SASH1: variants seen among roughly 807,000 people sequenced by gnomAD.
SASH1 encodes SAM and SH3 domain-containing protein 1.
A neutral mutation model predicts 125.2 loss-of-function variants in SASH1; 44 were observed. The ratio of observed to expected loss-of-function variants is 0.35; its 90% CI spans 0.28 to 0.45. The LOEUF is 0.45. SASH1 is among the 20% of genes least tolerant of loss of function. The pLI, the probability that SASH1 is intolerant of heterozygous loss-of-function variation, is 1.00. For missense variants in SASH1, 1,426 were observed against 1,614.5 expected, an observed-to-expected ratio of 0.88 and a Z score of 2.00; for synonymous variants, 639 against 649.1, an observed-to-expected ratio of 0.98 and a Z score of 0.24.
chr6:148,545,402 C>T (rs770071650), intron 18 of SASH1, among the ~76,000 whole-genome samples: 32 of 152,176 alleles, frequency 2.1e-4, no homozygotes, highest in South Asian at 8.3e-4. Flanking sequence ...CCTCTCTGAC[C>T]CTCCTTGATA....
the SASH1 span, among the ~76,000 whole-genome samples, chr6:148,202,392 T>G: frequency 6.6e-6 from 1 of 152,046 alleles, no homozygotes; most frequent in Non-Finnish European, 1.5e-5. Context: ...ATCCAAGGAC[T>G]GCAGCTGGAC....
the SASH1 span, among the ~76,000 whole-genome samples, chr6:148,260,796 CTTT>C: frequency 1.4e-3 from 150 of 104,034 alleles, no homozygotes; most frequent in African/African-American, 5.9e-3. Flanking sequence ...CCTATAAGGG[CTTT>C]TTTTTTTTTT....
At chr6:148,443,370 T>G (rs1354990853) in intron 4 of SASH1, among the ~76,000 whole-genome samples, 2 of 87,328 alleles carry the variant, frequency 2.3e-5, no homozygotes, top group Non-Finnish European at 4.7e-5. Context: ...TTAATTTTGG[T>G]CATTCACTTA....
At chr6:148,458,945 T>C (rs990915397) in intron 4 of SASH1, among the ~76,000 whole-genome samples, 1 of 140,788 alleles carries the variant, frequency 7.1e-6, no homozygotes, top group Non-Finnish European at 1.5e-5. Context: ...CTAGCCTGGG[T>C]GATAGAGCAA....
rs1041800888 is a variant in SASH1, at chr6:148,495,443, AATTTT to A, written c.729+7744_729+7748del. Among the ~76,000 whole-genome samples the A allele has an allele frequency of 2.4e-4, 36 of 152,170 alleles. No homozygotes were observed. Among genetic ancestry groups the A allele is most frequent in the African/African-American group, 2.6e-4 (11 of 41,510 alleles). On this transcript the variant is annotated intron_variant, in intron 8 of 19. Transcript: ENST00000367467. This position sits in a 1 kb window ranked among gnomAD's most constrained non-coding sequence, Gnocchi z 4.0. ...GACTATTCTTGCTGTGTTTATTTTG[AATTTT>A]ATTTTATTTTATTTTTTACTAGAGT...
At chr6:148,524,117 A>ATTTTTT (rs200904196) in intron 10 of SASH1, among the ~76,000 whole-genome samples, 37 of 95,282 alleles carry the variant, frequency 3.9e-4, no homozygotes, top group African/African-American at 1.6e-3. Flanking sequence ...ATATATATAT[A>ATTTTTT]TATATTTTTT....
chr6:148,445,842 C>T (rs1034238702), intron 4 of SASH1, among the ~76,000 whole-genome samples: 7 of 152,096 alleles, frequency 4.6e-5, no homozygotes, highest in East Asian at 1.9e-4. Context: ...GACCAACTAC[C>T]GGTTGTAGAA....
At chr6:148,281,380 A>T (rs558476824) in intron 1 of SASH1, among the ~76,000 whole-genome samples, 1 of 152,112 alleles carries the variant, frequency 6.6e-6, no homozygotes, top group Non-Finnish European at 1.5e-5. Context: ...ACATAGAAGG[A>T]GTCAAAGCAT....
rs374141600 is a variant in SASH1, at chr6:148,448,115, A to AGAGTGTGT, written c.386+7709_386+7710insAGTGTGTG. On this transcript the variant is annotated intron_variant, in intron 4 of 19. Coordinates refer to ENST00000367467, the MANE Select transcript of SASH1 (RefSeq NM_015278.5). Reference sequence around the variant, plus strand: ...CTCCTGCTTCTATTGCAGTGGAGAGAGTGTGTGTGTGTGTGTGTGTGTGTA... The same window carrying AGAGTGTGT: ...CTCCTGCTTCTATTGCAGTGGAGAGAGAGTGTGTGTGTGTGTGTGTGTGTGTGTGTGTA... Among the ~76,000 whole-genome samples, 322 of 146,912 alleles carry AGAGTGTGT rather than the reference A, an allele frequency of 2.2e-3. 1 individual carries two copies. The highest frequency in any genetic ancestry group is 1.0e-2 in the South Asian group (46 of 4,616).
the SASH1 span, among the ~76,000 whole-genome samples, chr6:148,250,114 G>C: frequency 6.6e-6 from 1 of 152,178 alleles, no homozygotes; most frequent in Non-Finnish European, 1.5e-5. Flanking sequence ...AGCATTGCCA[G>C]TCACTTACAG....
intron 1 of SASH1, among the ~76,000 whole-genome samples, chr6:148,369,966 C>CAAAAAAAAAAAAAAAAAAA (rs562924566): frequency 2.3e-3 from 210 of 92,746 alleles, no homozygotes; most frequent in Middle Eastern, 0.024. Context: ...AAAAGAAAAA[C>CAAAAAAAAAAAAAAAAAAA]AAAAAAAAAA....
chr6:148,222,616 A>G, the SASH1 span, among the ~76,000 whole-genome samples: 1 of 152,264 alleles, frequency 6.6e-6, no homozygotes, highest in African/African-American at 2.4e-5. Flanking sequence ...TTATGACTAC[A>G]TACATAATAC....
At chr6:148,357,777 C>T (rs770145257) in intron 1 of SASH1, among the ~76,000 whole-genome samples, 8 of 151,968 alleles carry the variant, frequency 5.3e-5, no homozygotes, top group East Asian at 1.9e-4. Context: ...AAAAGATTTT[C>T]GGCCAGGCAC....
chr6:148,274,418 A>G (rs185531001), intron 1 of SASH1, among the ~76,000 whole-genome samples: 190 of 152,314 alleles, frequency 1.2e-3, no homozygotes, highest in Non-Finnish European at 1.9e-3. Flanking sequence ...GCAGTTCTTT[A>G]AAGAGGGAAG....
chr6:148,385,006 G>A (rs2114798626), intron 1 of SASH1, among the ~76,000 whole-genome samples: 1 of 152,216 alleles, frequency 6.6e-6, no homozygotes, highest in Admixed American at 6.5e-5. Context: ...TTTGTGGGAT[G>A]GCAGACAAGA....
the SASH1 span, among the ~76,000 whole-genome samples, chr6:148,244,982 G>C: frequency 6.6e-6 from 1 of 151,070 alleles, no homozygotes; most frequent in East Asian, 1.9e-4. Context: ...GAGAGAGAGA[G>C]AGAGAAAGAT....
intron 1 of SASH1, among the ~76,000 whole-genome samples, chr6:148,387,178 C>T (rs1006659586): frequency 1.4e-5 from 2 of 145,534 alleles, no homozygotes; most frequent in African/African-American, 5.1e-5. Context: ...AGTGCAGTGG[C>T]GCAATCTCGG....
intron 1 of SASH1, among the ~76,000 whole-genome samples, chr6:148,371,815 G>A (rs1782717642): frequency 6.6e-6 from 1 of 152,130 alleles, no homozygotes; most frequent in Non-Finnish European, 1.5e-5. Flanking sequence ...AGTTCTTGGA[G>A]GACAGTTAAT....
chr6:148,297,896 A>T (rs190075915), intron 1 of SASH1, among the ~76,000 whole-genome samples: 1 of 152,062 alleles, frequency 6.6e-6, no homozygotes, highest in Non-Finnish European at 1.5e-5. Context: ...ACAAAATACC[A>T]CCACTCTTGG....
Sources: gnomAD v4.1 joint callset for allele counts (sites outside exome capture counted in the v4.1 genomes callset) on GRCh38, gnomAD v4.1.1 for gene constraint, Gnocchi (gnomAD v3.1) non-coding constraint, MANE v1.5 for transcripts, NCBI Gene and HGNC (gene_info 2026-07-23, HGNC 2026-07-21) for gene names.